The following ACSM5 variants were observed in gnomAD, a reference collection of about 807,000 sequenced individuals.
The protein encoded by ACSM5 is acyl-CoA synthetase medium chain family member 5, also known as acyl-coenzyme A synthetase ACSM5, mitochondrial.
A neutral mutation model predicts 71.6 loss-of-function variants in ACSM5; 56 were observed. The ratio of observed to expected loss-of-function variants is 0.78; its 90% CI spans 0.63 to 0.98. ACSM5 has a LOEUF of 0.98. Among genes scored for constraint, ACSM5 ranks in the 50% least tolerant of loss-of-function variants. ACSM5 has a pLI of 0.00. For missense variants in ACSM5, 723 were observed against 726.0 expected (o/e 1.00, Z 0.05); for synonymous variants, 285 against 281.5 (o/e 1.01, Z -0.12).
chr16:20,440,043 G>T (rs1967292073), intron 13 of ACSM5, 124 bp downstream of exon 13: 2 of 1,278,786 alleles, frequency 1.6e-6, no homozygotes, highest in South Asian at 1.4e-5. Flanking sequence ...TGTAACCCTG[G>T]CTGCTGCTTC....
intron 10 of ACSM5, among the ~76,000 whole-genome samples, chr16:20,432,102 T>C (rs1466570474): frequency 6.6e-6 from 1 of 152,154 alleles, no homozygotes; most frequent in Admixed American, 6.5e-5. Flanking sequence ...CAGTAACTGC[T>C]TCTCTTTTGT....
Position 20,423,866 on chromosome 16 carries a change from T to G in ACSM5, c.768-50T>G, listed in dbSNP as rs551162831. 5.0e-6 allele frequency: 8 copies of G among 1,606,756 alleles called. No homozygotes were observed. In the South Asian group the frequency reaches 8.9e-5, roughly 18 times the overall value. ...GTGATATAGATAATACAATCCTTTTTAAAGGTAGAGTCATTGCCAAGGTTA... is the reference window on the plus strand; with the variant it reads ...GTGATATAGATAATACAATCCTTTTGAAAGGTAGAGTCATTGCCAAGGTTA... On this transcript the variant is annotated intron_variant, in intron 5 of 13. Coordinates refer to ENST00000331849, the MANE Select transcript of ACSM5 (RefSeq NM_017888.3).
chr16:20,436,554 A>G (rs1287141855), intron 10 of ACSM5, among the ~76,000 whole-genome samples: 1 of 152,066 alleles, frequency 6.6e-6, no homozygotes, highest in African/African-American at 2.4e-5. Flanking sequence ...TGTCTTTAGT[A>G]GAGACAGGTT....
In ACSM5 at chr16:20,428,387, C is replaced by T. The variant is rs377356192; in HGVS notation, c.1001+520C>T. 1.1e-3 allele frequency among the ~76,000 whole-genome samples: 168 copies of T among 152,344 alleles called. 3 individuals carry two copies. In the South Asian group the frequency reaches 0.032, roughly 29 times the overall value. ...ACCCCAGCCAACTGTTCTCTGAGCA[C>T]ATGCCATTGGGCACCCAAGAGAAAG... On this transcript the variant is annotated intron_variant, in intron 7 of 13. Transcript: ENST00000331849.
intron 13 of ACSM5, 106 bp downstream of exon 13, chr16:20,440,025 G>A: frequency 1.4e-6 from 2 of 1,398,858 alleles, no homozygotes; most frequent in Non-Finnish European, 2.0e-6. Flanking sequence ...TGGGGATATG[G>A]AGAAACTTGT....
Position 20,416,883 on chromosome 16 carries a change from T to C in ACSM5, c.205-1176T>C, listed in dbSNP as rs9938105. Among the ~76,000 whole-genome samples, 760 of 152,184 alleles carry C rather than the reference T, an allele frequency of 5.0e-3. 4 individuals carry two copies. The highest frequency in any genetic ancestry group is 0.017 in the African/African-American group (722 of 41,526). ...CAAATAACCCAATTAAAGTATGGGC[T>C]AAGAATCTGAAGAGACATTTCTTCA... On this transcript the variant is annotated intron_variant, in intron 2 of 13. Transcript: ENST00000331849.
At chr16:20,430,200 TACACACACACACACAC>T (rs199835504) in intron 8 of ACSM5, among the ~76,000 whole-genome samples, 36 of 144,858 alleles carry the variant, frequency 2.5e-4, no homozygotes, top group Middle Eastern at 3.5e-3. Flanking sequence ...GCTATTGAAA[TACACACACACACACAC>T]ACACACACAC....
chr16:20,423,035 T>G (rs184603457), intron 5 of ACSM5, among the ~76,000 whole-genome samples: 77 of 152,320 alleles, frequency 5.1e-4, no homozygotes, highest in African/African-American at 1.8e-3. Flanking sequence ...AGTGGGCATT[T>G]GGATACACAT....
intron 6 of ACSM5, among the ~76,000 whole-genome samples, chr16:20,425,908 C>G (rs1454711412): frequency 6.6e-6 from 1 of 152,108 alleles, no homozygotes; most frequent in African/African-American, 2.4e-5. Flanking sequence ...GTGCAAGTAT[C>G]TTTTTCATAT....
intron 2 of ACSM5, among the ~76,000 whole-genome samples, chr16:20,414,798 T>A (rs1966853473): frequency 6.6e-6 from 1 of 152,042 alleles, no homozygotes; most frequent in African/African-American, 2.4e-5. Context: ...TTAGTAGAAA[T>A]GCAGATATTA....
At chr16:20,437,828 CT>C (rs113906500) in intron 12 of ACSM5, among the ~76,000 whole-genome samples, 10,784 of 140,926 alleles carry the variant, frequency 0.077, 538 homozygotes, top group East Asian at 0.19. Flanking sequence ...AGGAGAAATC[CT>C]TTTTTTTTTT....
At chr16:20,427,550 C>A (rs1458002378) in intron 6 of ACSM5, among the ~76,000 whole-genome samples, 1 of 152,230 alleles carries the variant, frequency 6.6e-6, no homozygotes, top group Non-Finnish European at 1.5e-5. Context: ...TATTCATCAC[C>A]TTGGCAGTAT....
At chr16:20,430,407 G>T (rs1346200600) in intron 8 of ACSM5, among the ~76,000 whole-genome samples, 1 of 151,932 alleles carries the variant, frequency 6.6e-6, no homozygotes, top group African/African-American at 2.4e-5. Context: ...TCTAGGAAGA[G>T]ATCTGGGGAT....
At position 20,419,163 on chromosome 16, in the gene ACSM5, C is replaced by T; in HGVS notation, c.416-65C>T. 2.0e-6 allele frequency: 3 copies of T among 1,512,490 alleles called. No homozygotes were observed. In the South Asian group the frequency reaches 3.4e-5, roughly 17 times the overall value. 93.7% of individuals were successfully genotyped at this position (1,512,490 alleles called of 1,614,324 possible). A position where few individuals can be genotyped will look rare whatever the true frequency, so the allele number is the denominator to read the frequency against. ...CTCCCCAGCCCCTTCCTGCCTTCAT[C>T]TCTTACCTCTATACCCAAGGCCTTC... is the stretch of plus-strand genomic sequence containing the variant. On this transcript the variant is annotated intron_variant, in intron 3 of 13. Coordinates refer to ENST00000331849, the MANE Select transcript of ACSM5 (RefSeq NM_017888.3).
intron 2 of ACSM5, chr16:20,412,018 G>A: frequency 3.0e-6 from 1 of 333,576 alleles, no homozygotes; most frequent in South Asian, 2.8e-5. Flanking sequence ...TGTCTTTGAT[G>A]TTTTTCTCTC....
intron 3 of ACSM5, among the ~76,000 whole-genome samples, 174 bp downstream of exon 3, chr16:20,418,443 T>C (rs184783867): frequency 6.6e-6 from 1 of 152,146 alleles, no homozygotes; most frequent in Non-Finnish European, 1.5e-5. Flanking sequence ...CAGACAATGA[T>C]GTAATTGATA....
intron 3 of ACSM5, among the ~76,000 whole-genome samples, chr16:20,418,659 C>A (rs544354152): frequency 6.6e-6 from 1 of 152,314 alleles, no homozygotes; most frequent in South Asian, 2.1e-4. Flanking sequence ...ATGTTGGCAT[C>A]TATCATTTTA....
At chr16:20,431,561 T>C (rs7195862) in intron 10 of ACSM5, among the ~76,000 whole-genome samples, 73,064 of 151,940 alleles carry the variant, frequency 0.48, 19,511 homozygotes, top group East Asian at 0.78. Flanking sequence ...GGGATTTAAA[T>C]GTGGGTGTGT....
intron 2 of ACSM5, among the ~76,000 whole-genome samples, chr16:20,417,721 A>G (rs1966859825): frequency 1.3e-5 from 2 of 152,224 alleles, no homozygotes; most frequent in Non-Finnish European, 2.9e-5. Context: ...ATATTTCAAT[A>G]AAAAAGGGAA....
Sources: allele counts gnomAD v4.1 joint callset (sites outside exome capture counted in the v4.1 genomes callset), GRCh38; gene constraint gnomAD v4.1.1; transcripts MANE v1.5; gene names NCBI Gene and HGNC (gene_info 2026-07-23, HGNC 2026-07-21).